Variants in RSU1 observed in about 807,000 individuals in gnomAD.
RSU1 encodes the protein rsu-1.
RSU1 carries 26 observed loss-of-function variants against 31.1 expected under a neutral mutation model. That is an observed-to-expected ratio of 0.84 (90% CI 0.61 to 1.16). The LOEUF (loss-of-function observed/expected upper bound fraction) is 1.16, where lower values mean the gene tolerates loss of function less well. Among genes scored for constraint, RSU1 ranks in the 50% most tolerant of loss-of-function variants. RSU1 has a pLI of 0.00. For synonymous variants in RSU1, 164 were observed against 136.3 expected (o/e 1.20, Z -1.41); for missense variants, 320 against 339.1 (o/e 0.94, Z 0.44).
chr10:16,667,595 C>G (rs1444122709), intron 8 of RSU1, among the ~76,000 whole-genome samples: 1 of 151,808 alleles, frequency 6.6e-6, no homozygotes, highest in East Asian at 1.9e-4. Flanking sequence ...TCAAGTGATT[C>G]TCGTGCCTCA....
intron 2 of RSU1, among the ~76,000 whole-genome samples, chr10:16,811,525 A>G (rs188018573): frequency 6.6e-6 from 1 of 152,340 alleles, no homozygotes; most frequent in Admixed American, 6.5e-5. Context: ...AGCTAGTAGC[A>G]AACAAAAAAG....
At chr10:16,794,065 C>T (rs1001742506) in intron 2 of RSU1, among the ~76,000 whole-genome samples, 9 of 152,126 alleles carry the variant, frequency 5.9e-5, no homozygotes, top group Non-Finnish European at 1.2e-4. Flanking sequence ...CCTCAGACAT[C>T]AGAGTTCCTG....
intron 8 of RSU1, among the ~76,000 whole-genome samples, chr10:16,654,287 G>C (rs912346778): frequency 6.8e-6 from 1 of 147,840 alleles, no homozygotes; most frequent in Non-Finnish European, 1.5e-5. Context: ...ACAAGTGTGT[G>C]CCACCGCTCA....
intron 8 of RSU1, among the ~76,000 whole-genome samples, chr10:16,679,886 T>G (rs1016932459): frequency 2.0e-5 from 3 of 149,278 alleles, no homozygotes; most frequent in Admixed American, 6.7e-5. Flanking sequence ...TTTTTTTTTT[T>G]TTTTTTTTTT....
At chr10:16,673,399 TA>T (rs1835156501) in intron 8 of RSU1, among the ~76,000 whole-genome samples, 1 of 152,240 alleles carries the variant, frequency 6.6e-6, no homozygotes, top group Non-Finnish European at 1.5e-5. Context: ...GAAACCATGT[TA>T]TTTCCACATT....
chr10:16,800,379 G>C (rs1046154267), intron 2 of RSU1, among the ~76,000 whole-genome samples: 6 of 152,132 alleles, frequency 3.9e-5, no homozygotes, highest in Non-Finnish European at 5.9e-5. Flanking sequence ...TGTCAGCAGA[G>C]ACAAAATCCC....
In RSU1 at chr10:16,591,474, G is replaced by A. The variant is rs563167269; in HGVS notation, c.*1920C>T. The A allele has an allele frequency of 6.6e-6, 1 of 152,262 alleles. No individual in the cohort carries two copies. Among genetic ancestry groups the A allele is most frequent in the South Asian group, 2.1e-4 (1 of 4,822 alleles). 9.4% of individuals were successfully genotyped at this position (152,262 alleles called of 1,614,324 possible). ...GTCAAACTGCTACGGCCTTTCTGGA[G>A]CGAAATTTATATTCCCAGTAGCCAT... is the stretch of plus-strand genomic sequence containing the variant. On this transcript the variant is annotated 3_prime_UTR_variant, in exon 9 of 9. Transcript: ENST00000345264.
At chr10:16,792,024 C>T (rs1045237110) in intron 2 of RSU1, among the ~76,000 whole-genome samples, 12 of 152,106 alleles carry the variant, frequency 7.9e-5, no homozygotes, top group East Asian at 1.9e-4. Context: ...GGATGAGACA[C>T]GGGAAATGAG....
intron 4 of RSU1, among the ~76,000 whole-genome samples, chr10:16,755,740 T>A (rs1326766468): frequency 1.3e-5 from 2 of 152,194 alleles, no homozygotes; most frequent in African/African-American, 4.8e-5. Context: ...TTGGCTAACA[T>A]CTCTGCAATT....
intron 8 of RSU1, among the ~76,000 whole-genome samples, chr10:16,599,003 C>G (rs138280278): frequency 6.6e-6 from 1 of 152,174 alleles, no homozygotes; most frequent in African/African-American, 2.4e-5. Context: ...GTTGTTTCTA[C>G]GAGAGGAAGT....
At chr10:16,691,033 A>G (rs1444433914) in intron 8 of RSU1, among the ~76,000 whole-genome samples, 2 of 152,190 alleles carry the variant, frequency 1.3e-5, no homozygotes, top group Non-Finnish European at 2.9e-5. Flanking sequence ...AGGAACTATA[A>G]TAAGTTTTAG....
intron 7 of RSU1, among the ~76,000 whole-genome samples, chr10:16,747,872 A>G (rs1350828397): frequency 2.0e-5 from 3 of 152,048 alleles, no homozygotes; most frequent in Non-Finnish European, 4.4e-5. Flanking sequence ...ATCTCCACAA[A>G]AAACTGAGAA....
Position 16,691,089 on chromosome 10 carries a change from T to TA in RSU1, c.731+3933_731+3934insT, listed in dbSNP as rs1248562007. Among the ~76,000 whole-genome samples, 198 of 151,894 alleles carry TA rather than the reference T, an allele frequency of 1.3e-3. 1 individual carries two copies. The highest frequency in any genetic ancestry group is 4.3e-3 in the African/African-American group (175 of 41,142). On this transcript the variant is annotated intron_variant, in intron 8 of 8. Coordinates refer to ENST00000345264, the MANE Select transcript of RSU1 (RefSeq NM_012425.4). ...GGCAATGAATGTGAAATTTGCTTTT[T>TA]TAAAAAAACTATGAGTATCATGAAT...
rs1837054139 is a variant in RSU1 at position 16,754,947 on chromosome 10, C to T, written c.324G>A (p.Leu108=). The T allele has an allele frequency of 1.9e-6, 3 of 1,613,498 alleles. No individual in the cohort carries two copies. The highest frequency in any genetic ancestry group is 2.2e-5 in the South Asian group (2 of 91,018). The part of the protein sequence containing the change: ...LNTLPRGFGS[L]PALEVLDLTY... ...TCAAGTCCAGAACCTCAAGAGCTGGCAGGGAGCCGAAGCCTCGTGGCAAAG... is the reference window on the plus strand; with the variant it reads ...TCAAGTCCAGAACCTCAAGAGCTGGTAGGGAGCCGAAGCCTCGTGGCAAAG... The change falls in exon 5 of 9, where the codon CTG becomes CTA. Residue 108 remains leucine (L), a synonymous_variant. Transcript: ENST00000345264.
rs903105501 is a variant in RSU1 at position 16,726,329 on chromosome 10, G to A, written c.598+26210C>T. Among the ~76,000 whole-genome samples the A allele has an allele frequency of 8.1e-5, 12 of 148,996 alleles. No individual in the cohort carries two copies. The South Asian group carries it at 2.1e-3, about 26-fold the overall frequency. ...TGTCACCAGGTTAGAGTGCAGTGGC[G>A]CAATCTCGGCTCACTACAACCTCAG... is the stretch of plus-strand genomic sequence containing the variant. On this transcript the variant is annotated intron_variant, in intron 7 of 8. Coordinates refer to ENST00000345264, the MANE Select transcript of RSU1 (RefSeq NM_012425.4).
At chr10:16,803,317 A>G (rs12571638) in intron 2 of RSU1, among the ~76,000 whole-genome samples, 46,220 of 152,024 alleles carry the variant, frequency 0.3, 8,844 homozygotes, top group African/African-American at 0.55. Context: ...TACAAGCTCT[A>G]TATGAGAAAA....
intron 8 of RSU1, among the ~76,000 whole-genome samples, chr10:16,605,993 T>G (rs531676411): frequency 8.5e-5 from 13 of 152,094 alleles, no homozygotes; most frequent in Non-Finnish European, 1.9e-4. Context: ...CTTCAAGTGA[T>G]CCTCCTGCCT....
intron 4 of RSU1, among the ~76,000 whole-genome samples, chr10:16,764,024 A>T (rs1391002512): frequency 1.3e-5 from 2 of 152,112 alleles, no homozygotes; most frequent in Admixed American, 1.3e-4. Flanking sequence ...AACTATTCCA[A>T]TTTAACACAG....
intron 7 of RSU1, among the ~76,000 whole-genome samples, chr10:16,723,908 C>T (rs1186989066): frequency 6.6e-6 from 1 of 152,150 alleles, no homozygotes; most frequent in Non-Finnish European, 1.5e-5. Flanking sequence ...TTGTTAAATG[C>T]ACTTATTCCT....
Sources: allele counts gnomAD v4.1 joint callset (sites outside exome capture counted in the v4.1 genomes callset), GRCh38; gene constraint gnomAD v4.1.1; transcripts MANE v1.5; gene names NCBI Gene and HGNC (gene_info 2026-07-23, HGNC 2026-07-21).